ZFP28: variants seen among roughly 807,000 people sequenced by gnomAD.
The protein encoded by ZFP28 is ZFP28 zinc finger protein.
ZFP28 carries 31 observed loss-of-function variants against 39.5 expected under a neutral mutation model. The ratio of observed to expected loss-of-function variants is 0.79; its 90% CI spans 0.59 to 1.06. The LOEUF (loss-of-function observed/expected upper bound fraction) is 1.06. Among genes scored for constraint, ZFP28 ranks in the 50% least tolerant of loss-of-function variants. The probability of loss-of-function intolerance (pLI) is 0.00; values close to 1 mark genes in which losing one functional copy is unlikely to be tolerated. For synonymous variants in ZFP28, 400 were observed against 378.6 expected, an observed-to-expected ratio of 1.06 and a Z score of -0.66; for missense variants, 925 against 1,048.4, an observed-to-expected ratio of 0.88 and a Z score of 1.63.
At chr19:56,548,872 G>A (rs1322036574) in intron 4 of ZFP28, 86 bp from the exon 5 acceptor site, 3 of 1,338,602 alleles carry the variant, frequency 2.2e-6, no homozygotes, top group Non-Finnish European at 3.0e-6. Context: ...CTTTTTTGTG[G>A]CTTTTAATTT....
chr19:56,553,535 C>T (rs1370663701), intron 7 of ZFP28, 149 bp from the exon 8 acceptor site: 1 of 1,068,280 alleles, frequency 9.4e-7, no homozygotes, highest in Non-Finnish European at 1.3e-6. Context: ...GCCACTGTGC[C>T]TGGCCCTAAA....
In ZFP28 at chr19:56,555,173, A is replaced by G. The variant is rs1437873189; in HGVS notation, c.2388A>G (p.Gln796=). 1.2e-6 allele frequency: 2 copies of G among 1,614,170 alleles called. No homozygotes were observed. The highest frequency in any genetic ancestry group is 1.7e-5 in the Admixed American group (1 of 60,026). ...AGGAATGTAGGAAAACCTTCATCCA[A>G]ATTGGACACCTTAATCAACATAAGA... ...ECKECRKTFI[Q]IGHLNQHKRV... Residue 796 remains glutamine (Q), a synonymous_variant, in exon 8 of 8, where the codon CAA becomes CAG. Coordinates refer to ENST00000301318, the MANE Select transcript of ZFP28 (RefSeq NM_020828.2).
rs1210477315 is a variant in ZFP28 at position 56,547,681 on chromosome 19, T to C, written c.427+47T>C. On this transcript the variant is annotated intron_variant, in intron 3 of 7. Transcript: ENST00000301318. The surrounding 1 kb of genome is among the most constrained non-coding windows in gnomAD (Gnocchi z 4.6). ...CCCACCCCTCACCCTACCCACGTCC[T>C]GGACTAAGAAGCCTTTCATGCCTTT... 6.8e-7 allele frequency: 1 copy of C among 1,479,518 alleles called. No individual in the cohort carries two copies. The highest frequency in any genetic ancestry group is 1.8e-5 in the Admixed American group (1 of 54,712). The allele number at this position is 1,479,518 out of a possible 1,614,324, so 91.6% of individuals were successfully genotyped here. A position where few individuals can be genotyped will look rare whatever the true frequency, so the allele number is the denominator to read the frequency against.
At chr19:56,540,780 T>TA (rs1457112480) in intron 2 of ZFP28, among the ~76,000 whole-genome samples, 8 of 152,214 alleles carry the variant, frequency 5.3e-5, no homozygotes, top group Non-Finnish European at 1.2e-4. Flanking sequence ...AAACTTCAGT[T>TA]ACAAAACAGG....
intron 2 of ZFP28, among the ~76,000 whole-genome samples, chr19:56,545,138 A>G (rs969979523): frequency 8.5e-5 from 13 of 152,224 alleles, no homozygotes; most frequent in Non-Finnish European, 1.9e-4. Context: ...CTTTTGCTCA[A>G]GGACATTAAG....
rs2044331663 is a variant in ZFP28 at position 56,554,346 on chromosome 19, A to C, written c.1561A>C (p.Asn521His). 2 of 1,614,166 alleles carry C rather than the reference A, an allele frequency of 1.2e-6. No individual in the cohort carries two copies. The highest frequency in any genetic ancestry group is 3.3e-5 in the Admixed American group (2 of 60,024). ...GKAFSDHIGL[N>H]QHRRIHTGEK... ...AGCCTTCAGTGACCACATAGGGCTTAATCAACACAGGAGAATTCATACTGG... is the reference window on the plus strand; with the variant it reads ...AGCCTTCAGTGACCACATAGGGCTTCATCAACACAGGAGAATTCATACTGG... Residue 521 changes from asparagine (N) to histidine (H), a missense_variant, in exon 8 of 8, where the codon AAT becomes CAT. This residue lies in a region of ZFP28 where 369 missense variants were observed against 505.5 expected (regional missense o/e 0.73). Transcript: ENST00000301318. This position sits in a 1 kb window ranked among gnomAD's most constrained non-coding sequence, Gnocchi z 6.7.
intron 5 of ZFP28, among the ~76,000 whole-genome samples, chr19:56,549,669 T>C (rs2044277669): frequency 6.6e-6 from 1 of 151,256 alleles, no homozygotes; most frequent in Non-Finnish European, 1.5e-5. Context: ...AGAGCAAGAC[T>C]CCGTCTCAAA....
At chr19:56,538,807 C>CAGCGGGGA (rs1568482542), upstream of ZFP28, 1 of 29,378 alleles carries the variant, frequency 3.4e-5, no homozygotes, top group African/African-American at 1.6e-4. Context: ...CGGGGCGGGG[C>CAGCGGGGA]GGGGCGGGGC....
chr19:56,542,422 C>G (rs756664214), intron 2 of ZFP28, among the ~76,000 whole-genome samples: 2 of 152,202 alleles, frequency 1.3e-5, no homozygotes, highest in Non-Finnish European at 2.9e-5. Flanking sequence ...CAAATTGCTG[C>G]GATTAGAGGT....
chr19:56,547,944 C>A lies in ZFP28; in HGVS notation c.523+42C>A. 3 of 1,593,860 alleles carry A rather than the reference C, an allele frequency of 1.9e-6. No homozygotes were observed. Among genetic ancestry groups the A allele is most frequent in the South Asian group, 2.2e-5 (2 of 89,604 alleles). Reference sequence around the variant, plus strand: ...CAGGTAGGGTGAGGCCACTGCTGGTCATAGTTCAGCTGACTCAGACACGCA... The same window carrying A: ...CAGGTAGGGTGAGGCCACTGCTGGTAATAGTTCAGCTGACTCAGACACGCA... On this transcript the variant is annotated intron_variant, in intron 4 of 7. Transcript: ENST00000301318. The surrounding 1 kb of genome is among the most constrained non-coding windows in gnomAD (Gnocchi z 4.6).
At chr19:56,542,916 C>T (rs1194696129) in intron 2 of ZFP28, among the ~76,000 whole-genome samples, 2 of 152,122 alleles carry the variant, frequency 1.3e-5, no homozygotes, top group African/African-American at 4.8e-5. Context: ...TAGGTGTGAG[C>T]CACCATGCCC....
Position 56,554,003 on chromosome 19 carries a change from G to A in ZFP28, c.1218G>A (p.Val406=), listed in dbSNP as rs2044327475. 1.2e-6 allele frequency: 2 copies of A among 1,611,794 alleles called. No homozygotes were observed. Among genetic ancestry groups the A allele is most frequent in the Non-Finnish European group, 1.7e-6 (2 of 1,179,480 alleles). ...TTAAAAATTTTCAAAAAAGTTCAGT[G>A]GTAATAAAACAAACAGGCATCTATG... ...DSIKNFQKSS[V]VIKQTGIYAG... is the part of the protein sequence containing the mutation. Residue 406 remains valine (V), a synonymous_variant, in exon 8 of 8, where the codon GTG becomes GTA. Coordinates refer to ENST00000301318, the MANE Select transcript of ZFP28 (RefSeq NM_020828.2). This position sits in a 1 kb window ranked among gnomAD's most constrained non-coding sequence, Gnocchi z 6.7.
chr19:56,549,267 C>A, intron 5 of ZFP28, 146 bp downstream of exon 5: 2 of 900,126 alleles, frequency 2.2e-6, no homozygotes, highest in Non-Finnish European at 3.2e-6. Flanking sequence ...CCCCTCAGAA[C>A]AGAGAGTGCC....
At position 56,545,387 on chromosome 19, in the gene ZFP28, G is replaced by A. The variant is rs541564219; in HGVS notation, c.301-2121G>A. Among the ~76,000 whole-genome samples the A allele has an allele frequency of 5.3e-5, 8 of 152,296 alleles. No individual in the cohort carries two copies. The East Asian group carries it at 1.5e-3, about 29-fold the overall frequency. Reference sequence around the variant, plus strand: ...AAATGTCCTTAAAGTTTGGTAGCAGGTTAAAGAACAAGTGATTGTATATTA... The same window carrying A: ...AAATGTCCTTAAAGTTTGGTAGCAGATTAAAGAACAAGTGATTGTATATTA... On this transcript the variant is annotated intron_variant, in intron 2 of 7. Coordinates refer to ENST00000301318, the MANE Select transcript of ZFP28 (RefSeq NM_020828.2).
intron 5 of ZFP28, among the ~76,000 whole-genome samples, chr19:56,549,365 T>C (rs1261056566): frequency 6.6e-6 from 1 of 152,178 alleles, no homozygotes; most frequent in Non-Finnish European, 1.5e-5. Flanking sequence ...AATGTTTGAC[T>C]TGTGATGAAT....
chr19:56,555,031 G>A lies in ZFP28; in HGVS notation c.2246G>A (p.Arg749Lys). Residue 749 changes from arginine to lysine, a missense_variant, in exon 8 of 8, where the codon AGA becomes AAA. Around this residue, in one of 2 missense-constraint regions of ZFP28, gnomAD observed 369 missense variants for 505.5 expected, o/e 0.73. Transcript: ENST00000301318. ...AAATCCTCCCTTATTTGTCATCGCA[G>A]AAGTCATACTGGAGAAAAACCTTAT... Reference protein sequence around the residue: ...KTKSSLICHRRSHTGEKPYEC... With the variant: ...KTKSSLICHRKSHTGEKPYEC... 6.2e-7 allele frequency: 1 copy of A among 1,614,128 alleles called. No individual in the cohort carries two copies. The highest frequency in any genetic ancestry group is 8.5e-7 in the Non-Finnish European group (1 of 1,180,034).
intron 2 of ZFP28, chr19:56,545,736 G>A (rs2044236038): frequency 6.6e-6 from 1 of 152,198 alleles, no homozygotes; most frequent in African/African-American, 2.4e-5. Context: ...GCCTTTATTG[G>A]GGTTCAGGGC....
At chr19:56,540,307 A>G (rs147858748) in intron 2 of ZFP28, among the ~76,000 whole-genome samples, 20 of 152,258 alleles carry the variant, frequency 1.3e-4, no homozygotes, top group African/African-American at 4.3e-4. Flanking sequence ...TGGGAGGCAC[A>G]GTAAAGAAAG....
At chr19:56,551,436 A>G (rs2044301825) in intron 7 of ZFP28, 2 of 985,400 alleles carry the variant, frequency 2.0e-6, no homozygotes, top group African/African-American at 1.7e-5. Context: ...TCAGTTACGC[A>G]TACACGTTTT....
Sources: gnomAD v4.1 joint callset for allele counts (sites outside exome capture counted in the v4.1 genomes callset) on GRCh38, gnomAD v4.1.1 for gene constraint, gnomAD v4.1.1 regional missense constraint, Gnocchi (gnomAD v3.1) non-coding constraint, MANE v1.5 for transcripts, NCBI Gene and HGNC (gene_info 2026-07-23, HGNC 2026-07-21) for gene names.